KLK11: variants seen among roughly 807,000 people sequenced by gnomAD.
KLK11 encodes the protein kallikrein-11.
In KLK11, 10 loss-of-function variants were observed where a neutral mutation model predicts 23.4. The ratio of observed to expected loss-of-function variants is 0.43; its 90% confidence interval spans 0.26 to 0.73. The LOEUF (loss-of-function observed/expected upper bound fraction) is 0.73. Ranked by LOEUF, KLK11 falls within the 30% of genes least tolerant of loss-of-function variation. KLK11 has a pLI of 0.22. For synonymous variants in KLK11, 131 were observed against 131.7 expected (o/e 0.99, Z 0.03); for missense variants, 285 against 327.8 (o/e 0.87, Z 1.01).
In KLK11 at chr19:51,025,722, G is replaced by T; in HGVS notation, c.-35-56C>A. On this transcript the variant is annotated intron_variant, in intron 1 of 5. Coordinates refer to ENST00000453757, the MANE Select transcript of KLK11 (RefSeq NM_001136032.3). This position sits in a 1 kb window ranked among gnomAD's most constrained non-coding sequence, Gnocchi z 6.2. The stretch of plus-strand genomic sequence containing the variant: ...CACTTTACGGGGAAATCGGGAGGGG[G>T]GGGCTGGCTCATGCCCTCTCCTCTC... The T allele has an allele frequency of 1.4e-6, 1 of 700,948 alleles. No individual in the cohort carries two copies. Among genetic ancestry groups the T allele is most frequent in the Non-Finnish European group, 2.4e-6 (1 of 414,444 alleles). 43.4% of individuals were successfully genotyped at this position (700,948 alleles called of 1,614,324 possible).
At chr19:51,023,674 G>T in intron 4 of KLK11, 1 of 216,218 alleles carries the variant, frequency 4.6e-6, no homozygotes, top group Non-Finnish European at 9.1e-6. Flanking sequence ...CGTGAGCCAC[G>T]GTGCCCAGCC....
At chr19:51,027,579 T>C, upstream of KLK11, 2 of 1,600,858 alleles carry the variant, frequency 1.2e-6, no homozygotes, top group Admixed American at 3.3e-5. Flanking sequence ...TTAGGTCCCT[T>C]CCCTTGGCTT....
chr19:51,023,256 G>T (rs1343864656), intron 4 of KLK11, 28 bp from the exon 5 acceptor site: 1 of 1,606,816 alleles, frequency 6.2e-7, no homozygotes, highest in Admixed American at 1.7e-5. Context: ...GGGGCTGTGG[G>T]AATGAGCCCC....
chr19:51,027,194 C>G (rs1600158722), upstream of KLK11: 1 of 484,416 alleles, frequency 2.1e-6, no homozygotes, highest in African/African-American at 2.0e-5. Context: ...CCTGGCCTCC[C>G]CTAGGCCGCT....
In KLK11 at chr19:51,025,241, C is replaced by T. The variant is rs932739322; in HGVS notation, c.40+351G>A. Among the ~76,000 whole-genome samples, 1 of 151,754 alleles carries T rather than the reference C, an allele frequency of 6.6e-6. No individual in the cohort carries two copies. Among genetic ancestry groups the T allele is most frequent in the African/African-American group, 2.4e-5 (1 of 41,250 alleles). ...CCGTGTTGGCACCACGGCACTCCAGCCTGGACAATAGAGCAAGACTTTGTC... is the reference window on the plus strand; with the variant it reads ...CCGTGTTGGCACCACGGCACTCCAGTCTGGACAATAGAGCAAGACTTTGTC... On this transcript the variant is annotated intron_variant, in intron 2 of 5. Coordinates refer to ENST00000453757, the MANE Select transcript of KLK11 (RefSeq NM_001136032.3). The surrounding 1 kb of genome is among the most constrained non-coding windows in gnomAD (Gnocchi z 6.2).
chr19:51,025,563 A>T lies in KLK11; in HGVS notation c.40+29T>A. 6.8e-7 allele frequency: 1 copy of T among 1,470,746 alleles called. No homozygotes were observed. Among genetic ancestry groups the T allele is most frequent in the East Asian group, 2.5e-5 (1 of 39,916 alleles). The allele number at this position is 1,470,746 out of a possible 1,614,324, so 91.1% of individuals were successfully genotyped here. A position where few individuals can be genotyped will look rare whatever the true frequency, so the allele number is the denominator to read the frequency against. On this transcript the variant is annotated intron_variant, in intron 2 of 5. Coordinates refer to ENST00000453757, the MANE Select transcript of KLK11 (RefSeq NM_001136032.3). This position sits in a 1 kb window ranked among gnomAD's most constrained non-coding sequence, Gnocchi z 6.2. ...GGATCCCAGAGATTCAAGAGGGAGG[A>T]TCCTGCCCTGCCCCCATCCCCTGCG...
At position 51,025,663 on chromosome 19, in the gene KLK11, T is replaced by C. The variant is rs2091473195; in HGVS notation, c.-32A>G. ...GAGGGGGGAGGAGCGGGCCCCAGGT[T>C]CCTCTGGGAACAAGGAGGGACATGG... On this transcript the variant is annotated 5_prime_UTR_variant, in exon 2 of 6. Coordinates refer to ENST00000453757, the MANE Select transcript of KLK11 (RefSeq NM_001136032.3). The surrounding 1 kb of genome is among the most constrained non-coding windows in gnomAD (Gnocchi z 6.2). 1.9e-6 allele frequency: 3 copies of C among 1,559,796 alleles called. No individual in the cohort carries two copies. The highest frequency in any genetic ancestry group is 1.8e-4 in the Middle Eastern group (1 of 5,698).
chr19:51,026,591 G>C lies in KLK11; in HGVS notation c.-89C>G. 1 of 986,688 alleles carries C rather than the reference G, an allele frequency of 1.0e-6. No individual in the cohort carries two copies. Among genetic ancestry groups the C allele is most frequent in the Non-Finnish European group, 1.2e-6 (1 of 830,614 alleles). 61.1% of individuals were successfully genotyped at this position (986,688 alleles called of 1,614,324 possible). A position where few individuals can be genotyped will look rare whatever the true frequency, so the allele number is the denominator to read the frequency against. ...CAGTGGCGGCGGAGACGGCAGTGGCGGCAGCTACAGCAGGTAGGCTGGGTT... is the reference window on the plus strand; with the variant it reads ...CAGTGGCGGCGGAGACGGCAGTGGCCGCAGCTACAGCAGGTAGGCTGGGTT... On this transcript the variant is annotated 5_prime_UTR_variant, in exon 1 of 6. Coordinates refer to ENST00000453757, the MANE Select transcript of KLK11 (RefSeq NM_001136032.3).
Position 51,024,920 on chromosome 19 carries a change from T to A in KLK11, c.41-126A>T. 1 of 887,172 alleles carries A rather than the reference T, an allele frequency of 1.1e-6. No individual in the cohort carries two copies. Among genetic ancestry groups the A allele is most frequent in the Non-Finnish European group, 1.6e-6 (1 of 617,392 alleles). 55.0% of individuals were successfully genotyped at this position (887,172 alleles called of 1,614,324 possible). A position where few individuals can be genotyped will look rare whatever the true frequency, so the allele number is the denominator to read the frequency against. ...GGTCTGGGCCCTGGTCTGGTGTCCCTCTGGGTTGCCCTGGATGCTGGGGTC... is the reference window on the plus strand; with the variant it reads ...GGTCTGGGCCCTGGTCTGGTGTCCCACTGGGTTGCCCTGGATGCTGGGGTC... On this transcript the variant is annotated intron_variant, in intron 2 of 5. Coordinates refer to ENST00000453757, the MANE Select transcript of KLK11 (RefSeq NM_001136032.3). The surrounding 1 kb of genome is among the most constrained non-coding windows in gnomAD (Gnocchi z 6.2).
rs1230638499 is a variant in KLK11, at chr19:51,025,657, C to T, written c.-26G>A. The T allele has an allele frequency of 6.4e-7, 1 of 1,571,164 alleles. No homozygotes were observed. The highest frequency in any genetic ancestry group is 1.2e-5 in the South Asian group (1 of 85,038). On this transcript the variant is annotated 5_prime_UTR_variant, in exon 2 of 6. Coordinates refer to ENST00000453757, the MANE Select transcript of KLK11 (RefSeq NM_001136032.3). The surrounding 1 kb of genome is among the most constrained non-coding windows in gnomAD (Gnocchi z 6.2). ...GGCCTGGAGGGGGGAGGAGCGGGCC[C>T]CAGGTTCCTCTGGGAACAAGGAGGG...
In KLK11 at chr19:51,022,743, T is replaced by C. The variant is rs568500024; in HGVS notation, c.601-46A>G. On this transcript the variant is annotated intron_variant, in intron 5 of 5. Coordinates refer to ENST00000453757, the MANE Select transcript of KLK11 (RefSeq NM_001136032.3). ...TGTCGGTCAGAGAAAGCGTTGAGCA[T>C]GGTGTTAGCCAGGGAGGAGGTGGGG... is the stretch of plus-strand genomic sequence containing the variant. 28 of 1,609,404 alleles carry C rather than the reference T, an allele frequency of 1.7e-5. No homozygotes were observed. In the South Asian group the frequency reaches 2.6e-4, roughly 15 times the overall value.
At chr19:51,027,518 C>T, upstream of KLK11, 7 of 1,614,090 alleles carry the variant, frequency 4.3e-6, no homozygotes, top group Non-Finnish European at 5.9e-6. Context: ...ACCTCTGCAT[C>T]TGCGGAACCC....
At position 51,025,452 on chromosome 19, in the gene KLK11, A is replaced by T. The variant is rs536686721; in HGVS notation, c.40+140T>A. On this transcript the variant is annotated intron_variant, in intron 2 of 5. Transcript: ENST00000453757. This position sits in a 1 kb window ranked among gnomAD's most constrained non-coding sequence, Gnocchi z 6.2. Reference sequence around the variant, plus strand: ...TATCTAGAAGGGCATCCAGGCCCTCATGACCACTGCTCCAGTTCAGGTGCC... The same window carrying T: ...TATCTAGAAGGGCATCCAGGCCCTCTTGACCACTGCTCCAGTTCAGGTGCC... 1.9e-6 allele frequency: 1 copy of T among 516,768 alleles called. No individual in the cohort carries two copies. Among genetic ancestry groups the T allele is most frequent in the African/African-American group, 2.0e-5 (1 of 50,160 alleles). 32.0% of individuals were successfully genotyped at this position (516,768 alleles called of 1,614,324 possible).
chr19:51,025,537 G>A lies in KLK11; in HGVS notation c.40+55C>T, dbSNP rs769990380. Reference sequence around the variant, plus strand: ...TCACTGTCCAGACACAGAGGGTTAGGGGATCCCAGAGATTCAAGAGGGAGG... The same window carrying A: ...TCACTGTCCAGACACAGAGGGTTAGAGGATCCCAGAGATTCAAGAGGGAGG... On this transcript the variant is annotated intron_variant, in intron 2 of 5. Transcript: ENST00000453757. The surrounding 1 kb of genome is among the most constrained non-coding windows in gnomAD (Gnocchi z 6.2). The A allele has an allele frequency of 7.0e-5, 86 of 1,232,912 alleles. No individual in the cohort carries two copies. The highest frequency in any genetic ancestry group is 1.9e-4 in the Admixed American group (8 of 41,484). 76.4% of individuals were successfully genotyped at this position (1,232,912 alleles called of 1,614,324 possible). A position where few individuals can be genotyped will look rare whatever the true frequency, so the allele number is the denominator to read the frequency against.
chr19:51,025,388 G>A lies in KLK11; in HGVS notation c.40+204C>T, dbSNP rs551016851. 3.3e-5 allele frequency among the ~76,000 whole-genome samples: 5 copies of A among 152,062 alleles called. No homozygotes were observed. The highest frequency in any genetic ancestry group is 2.1e-4 in the South Asian group (1 of 4,808). Reference sequence around the variant, plus strand: ...TCAGCCCCTCCACGGGACCCTTTACGACCCCCTTGACCTCTCCTCCTTTGG... The same window carrying A: ...TCAGCCCCTCCACGGGACCCTTTACAACCCCCTTGACCTCTCCTCCTTTGG... On this transcript the variant is annotated intron_variant, in intron 2 of 5. Transcript: ENST00000453757. The surrounding 1 kb of genome is among the most constrained non-coding windows in gnomAD (Gnocchi z 6.2).
chr19:51,027,887 A>C, upstream of KLK11: 2 of 188,468 alleles, frequency 1.1e-5, no homozygotes, highest in Non-Finnish European at 2.2e-5. Flanking sequence ...ATCACCCCTC[A>C]CTCCCTCCCT....
At chr19:51,022,798 A>T (rs1188989223) in intron 5 of KLK11, 101 bp from the exon 6 acceptor site, 13 of 1,292,202 alleles carry the variant, frequency 1.0e-5, no homozygotes, top group Non-Finnish European at 1.3e-5. Context: ...CCGAGACAGG[A>T]TGGGTAGGCA....
chr19:51,024,606 C>CA lies in KLK11; in HGVS notation c.197+31dup. On this transcript the variant is annotated intron_variant, in intron 3 of 5. Transcript: ENST00000453757. The surrounding 1 kb of genome is among the most constrained non-coding windows in gnomAD (Gnocchi z 6.2). ...ATCCATCTCCCCATTCCCAGCCCCCCACCCCGGCACCGCCCCAGCCCCCGC... is the reference window on the plus strand; with the variant it reads ...ATCCATCTCCCCATTCCCAGCCCCCCAACCCCGGCACCGCCCCAGCCCCCGC... The CA allele has an allele frequency of 6.8e-7, 1 of 1,467,892 alleles. No individual in the cohort carries two copies. Among genetic ancestry groups the CA allele is most frequent in the Non-Finnish European group, 9.1e-7 (1 of 1,104,626 alleles). 90.9% of individuals were successfully genotyped at this position (1,467,892 alleles called of 1,614,324 possible). A position where few individuals can be genotyped will look rare whatever the true frequency, so the allele number is the denominator to read the frequency against.
upstream of KLK11, chr19:51,027,606 C>T: frequency 6.5e-7 from 1 of 1,529,900 alleles, no homozygotes; most frequent in East Asian, 2.3e-5. Flanking sequence ...CCTCTCTCCC[C>T]TGACCAGGTG....
Sources: gnomAD v4.1 joint callset for allele counts (sites outside exome capture counted in the v4.1 genomes callset) on GRCh38, gnomAD v4.1.1 for gene constraint, Gnocchi (gnomAD v3.1) non-coding constraint, MANE v1.5 for transcripts, NCBI Gene and HGNC (gene_info 2026-07-23, HGNC 2026-07-21) for gene names.